The following CDCP1 variants were observed in gnomAD, a reference collection of about 807,000 sequenced individuals.
CDCP1 encodes the protein CUB domain containing protein 1.
In CDCP1, 29 loss-of-function variants were observed where a neutral mutation model predicts 60.2. That is an observed-to-expected ratio of 0.48 (90% CI 0.36 to 0.66). The LOEUF is 0.66. Ranked by LOEUF, CDCP1 falls within the 30% of genes least tolerant of loss-of-function variation. The pLI is 0.00. For missense variants in CDCP1, 876 were observed against 1,074.3 expected, an observed-to-expected ratio of 0.82 and a Z score of 2.58; for synonymous variants, 387 against 431.1, an observed-to-expected ratio of 0.90 and a Z score of 1.27.
At chr3:45,106,296 C>A (rs1421768753) in intron 4 of CDCP1, among the ~76,000 whole-genome samples, 2 of 152,088 alleles carry the variant, frequency 1.3e-5, no homozygotes, top group Non-Finnish European at 2.9e-5. Context: ...CTTTCTCCAC[C>A]CCTGCTGAGG....
rs754818183 is a variant in CDCP1, at chr3:45,118,594, T to A, written c.110A>T (p.Glu37Val). The change falls in exon 2 of 9, where the codon GAA (glutamate) becomes GTA (valine). Residue 37 changes from glutamate (E) to valine (V), a missense_variant. By Grantham distance (121) the Glu-to-Val change is moderately radical (BLOSUM62 -2). This residue lies in a region of CDCP1 where 150 missense variants were observed against 138.6 expected (regional missense o/e 1.08). Transcript: ENST00000296129. Reference protein sequence around the residue: ...AEAFEIALPRESNITVLIKLG... With the variant: ...AEAFEIALPRVSNITVLIKLG... Reference sequence around the variant, plus strand: ...CTTTATGAGAACTGTAATGTTGCTTTCTCGTGGCAGAGCAATCTCAAAAGC... The same window carrying A: ...CTTTATGAGAACTGTAATGTTGCTTACTCGTGGCAGAGCAATCTCAAAAGC... 16 of 1,613,982 alleles carry A rather than the reference T, an allele frequency of 9.9e-6. No homozygotes were observed. The South Asian group carries it at 1.8e-4, about 18-fold the overall frequency.
chr3:45,113,685 T>C (rs1056562966), intron 2 of CDCP1, among the ~76,000 whole-genome samples: 1 of 152,220 alleles, frequency 6.6e-6, no homozygotes, highest in East Asian at 1.9e-4. Flanking sequence ...TTGCAGCAAG[T>C]ACACGGCAAT....
At position 45,116,753 on chromosome 3, in the gene CDCP1, CCT is replaced by C. The variant is rs145684765; in HGVS notation, c.292+1657_292+1658del. Among the ~76,000 whole-genome samples, 907 of 152,268 alleles carry C rather than the reference CCT, an allele frequency of 6.0e-3. 11 individuals are homozygous for C. The highest frequency in any genetic ancestry group is 0.02 in the African/African-American group (841 of 41,552). On this transcript the variant is annotated intron_variant, in intron 2 of 8. Transcript: ENST00000296129. ...CTCTAACTAACCCAAACTGTTCTCC[CCT>C]GTCTCGGGCATTTTTTCCAATCCCC...
At position 45,146,300 on chromosome 3, in the gene CDCP1, C is replaced by A; in HGVS notation, c.-13G>T. The A allele has an allele frequency of 6.4e-7, 1 of 1,557,564 alleles. No homozygotes were observed. Among genetic ancestry groups the A allele is most frequent in the Non-Finnish European group, 8.6e-7 (1 of 1,156,440 alleles). On this transcript the variant is annotated 5_prime_UTR_variant, in exon 1 of 9. Transcript: ENST00000296129. The stretch of plus-strand genomic sequence containing the variant: ...TCAGGCCGGCCATGACTCCGGGACG[C>A]CTCGGCCTCGGTGGGGAAAACGACG...
Position 45,091,232 on chromosome 3 carries a change from G to C in CDCP1, c.1934C>G (p.Pro645Arg). 6.2e-7 allele frequency: 1 copy of C among 1,613,878 alleles called. No individual in the cohort carries two copies. The highest frequency in any genetic ancestry group is 8.5e-7 in the Non-Finnish European group (1 of 1,180,016). ...CAGGTCTAGCTGCTTGCCGCTCGTG[G>C]GGCTGCAGTTAGAGATGTTGACCCA... is the stretch of plus-strand genomic sequence containing the variant. The part of the protein sequence containing the change: ...SFWVNISNCS[P>R]TSGKQLDLLF... Residue 645 changes from proline (P) to arginine (R), a missense_variant, in exon 7 of 9, where the codon CCC becomes CGC. This residue lies in a region of CDCP1 where 726 missense variants were observed against 935.7 expected (regional missense o/e 0.78). Transcript: ENST00000296129. This position sits in a 1 kb window ranked among gnomAD's most constrained non-coding sequence, Gnocchi z 4.8.
chr3:45,094,262 A>G (rs576398070), intron 5 of CDCP1, among the ~76,000 whole-genome samples: 2 of 150,800 alleles, frequency 1.3e-5, no homozygotes, highest in Non-Finnish European at 2.9e-5. Flanking sequence ...GTCTCACTCT[A>G]TTGCCCAGGC....
Position 45,089,082 on chromosome 3 carries a change from C to T in CDCP1, c.2053G>A (p.Gly685Arg), listed in dbSNP as rs566326539. 4.3e-6 allele frequency: 7 copies of T among 1,613,900 alleles called. No individual in the cohort carries two copies. The highest frequency in any genetic ancestry group is 2.2e-5 in the East Asian group (1 of 44,862). The change falls in exon 8 of 9, where the codon GGG (glycine) becomes AGG (arginine). Residue 685 changes from glycine (G) to arginine (R), a missense_variant. By Grantham distance (125) the Gly-to-Arg change is moderately radical (BLOSUM62 -2). Transcript: ENST00000296129. Reference protein sequence around the residue: ...GGGVLLLSALGLIICCVKKKK... With the variant: ...GGGVLLLSALRLIICCVKKKK... ...TTTTTCACACAGCAAATGATGAGCC[C>T]GAGGGCAGACAGCAGTAAGACTCCA...
At chr3:45,100,014 A>T (rs1487205503) in intron 4 of CDCP1, among the ~76,000 whole-genome samples, 1 of 151,840 alleles carries the variant, frequency 6.6e-6, no homozygotes. Flanking sequence ...ATGTCTGGGG[A>T]TCTATATACT....
At position 45,134,693 on chromosome 3, in the gene CDCP1, C is replaced by T. The variant is rs116655390; in HGVS notation, c.82+11513G>A. Among the ~76,000 whole-genome samples the T allele has an allele frequency of 5.5e-3, 845 of 152,288 alleles. 8 individuals carry two copies. The highest frequency in any genetic ancestry group is 0.019 in the African/African-American group (788 of 41,544). On this transcript the variant is annotated intron_variant, in intron 1 of 8. Coordinates refer to ENST00000296129, the MANE Select transcript of CDCP1 (RefSeq NM_022842.5). ...GGTTTCTGAATGAAGCCCTTGCAAG[C>T]GACCACAAGCCAGGTCAATAACATG...
chr3:45,130,087 C>A (rs1206385855), intron 1 of CDCP1, among the ~76,000 whole-genome samples: 1 of 148,218 alleles, frequency 6.7e-6, no homozygotes, highest in African/African-American at 2.6e-5. Context: ...TCCAGCTATA[C>A]GCTTAAGATT....
At position 45,089,059 on chromosome 3, in the gene CDCP1, T is replaced by C. The variant is rs369649832; in HGVS notation, c.2076A>G (p.Lys692=). ...SALGLIICCV[K]KKKKKTNKGP... The stretch of plus-strand genomic sequence containing the variant: ...GAGTAAGAGATTCCACCTACTTCTT[T>C]TTCACACAGCAAATGATGAGCCCGA... Residue 692 remains lysine, a synonymous_variant, in exon 8 of 9, where the codon AAA becomes AAG. Transcript: ENST00000296129. The C allele has an allele frequency of 6.2e-6, 10 of 1,613,712 alleles. No individual in the cohort carries two copies. The highest frequency in any genetic ancestry group is 8.5e-6 in the Non-Finnish European group (10 of 1,179,644).
At chr3:45,116,239 TAA>T (rs59177609) in intron 2 of CDCP1, among the ~76,000 whole-genome samples, 4 of 144,498 alleles carry the variant, frequency 2.8e-5, no homozygotes, top group African/African-American at 7.6e-5. Flanking sequence ...ACTGTTCTGT[TAA>T]AAAAAAAAAA....
intron 4 of CDCP1, among the ~76,000 whole-genome samples, chr3:45,098,122 G>A (rs201293476): frequency 6.6e-6 from 1 of 151,852 alleles, no homozygotes; most frequent in Non-Finnish European, 1.5e-5. Flanking sequence ...CTCCCCACCC[G>A]CTCTTCCCTC....
Position 45,085,446 on chromosome 3 carries a change from G to T in CDCP1, c.*192C>A. The T allele has an allele frequency of 1.6e-6, 1 of 614,322 alleles. No individual in the cohort carries two copies. Among genetic ancestry groups the T allele is most frequent in the Non-Finnish European group, 2.8e-6 (1 of 350,914 alleles). 38.1% of individuals were successfully genotyped at this position (614,322 alleles called of 1,614,324 possible). On this transcript the variant is annotated 3_prime_UTR_variant, in exon 9 of 9. Transcript: ENST00000296129. This position sits in a 1 kb window ranked among gnomAD's most constrained non-coding sequence, Gnocchi z 4.2. ...AGCTGTCATGACTGTATCCAGATTG[G>T]AATTCATCATTTTCAATGTCTTGCC... is the stretch of plus-strand genomic sequence containing the variant.
chr3:45,122,264 C>A (rs892532737), intron 1 of CDCP1, among the ~76,000 whole-genome samples: 1 of 151,928 alleles, frequency 6.6e-6, no homozygotes, highest in East Asian at 1.9e-4. Context: ...CTGCCTCAGC[C>A]TCCCGAGTAG....
chr3:45,124,997 G>T (rs1414427353), intron 1 of CDCP1, among the ~76,000 whole-genome samples: 1 of 152,148 alleles, frequency 6.6e-6, no homozygotes, highest in Non-Finnish European at 1.5e-5. Context: ...GAACTTCAAG[G>T]TACTCTGAAG....
chr3:45,092,032 T>C (rs1420224042), intron 6 of CDCP1, among the ~76,000 whole-genome samples: 2 of 152,204 alleles, frequency 1.3e-5, no homozygotes, highest in African/African-American at 2.4e-5. Flanking sequence ...TGAGCTCAAG[T>C]GATCTGCCTG....
chr3:45,120,946 T>C lies in CDCP1; in HGVS notation c.83-2325A>G, dbSNP rs576729065. Among the ~76,000 whole-genome samples the C allele has an allele frequency of 1.1e-3, 173 of 152,110 alleles. 2 individuals are homozygous for C. The highest frequency in any genetic ancestry group is 7.2e-4 in the Non-Finnish European group (49 of 68,020). On this transcript the variant is annotated intron_variant, in intron 1 of 8. Transcript: ENST00000296129. Reference sequence around the variant, plus strand: ...ACTTCAGTCCTCCTGAACCCTGCGCTTGATGTCCGTGAGCTCCTACAGGAG... The same window carrying C: ...ACTTCAGTCCTCCTGAACCCTGCGCCTGATGTCCGTGAGCTCCTACAGGAG...
At chr3:45,120,930 C>A (rs1250080951) in intron 1 of CDCP1, among the ~76,000 whole-genome samples, 1 of 152,106 alleles carries the variant, frequency 6.6e-6, no homozygotes, top group African/African-American at 2.4e-5. Context: ...CACTTCAGTC[C>A]TCCTGAACCC....
Sources: allele counts gnomAD v4.1 joint callset (sites outside exome capture counted in the v4.1 genomes callset), GRCh38; gene constraint gnomAD v4.1.1; regional missense constraint gnomAD v4.1.1; non-coding constraint Gnocchi (gnomAD v3.1); transcripts MANE v1.5; gene names NCBI Gene and HGNC (gene_info 2026-07-23, HGNC 2026-07-21).